The following MYO5B variants were observed in gnomAD, a reference collection of about 807,000 sequenced individuals.
The protein encoded by MYO5B is myosin VB.
A neutral mutation model predicts 229.3 loss-of-function variants in MYO5B; 143 were observed. That is an observed-to-expected ratio of 0.62 (90% CI 0.54 to 0.72). The LOEUF is 0.72. Among genes scored for constraint, MYO5B ranks in the 30% least tolerant of loss-of-function variants. MYO5B has a pLI of 0.00. For missense variants in MYO5B, 2,321 were observed against 2,331.0 expected (o/e 1.00, Z 0.09); for synonymous variants, 918 against 885.2 (o/e 1.04, Z -0.66).
intron 17 of MYO5B, among the ~76,000 whole-genome samples, chr18:49,924,596 C>T (rs1041707784): frequency 6.6e-6 from 1 of 152,198 alleles, no homozygotes; most frequent in Non-Finnish European, 1.5e-5. Context: ...TGGAGCTGGC[C>T]CCAGAGGGCA....
chr18:50,076,613 C>T (rs568576732), intron 1 of MYO5B, among the ~76,000 whole-genome samples: 11 of 152,264 alleles, frequency 7.2e-5, no homozygotes, highest in Admixed American at 2.0e-4. Context: ...AAAGGGGATC[C>T]GGCAGTTGGT....
chr18:49,923,205 C>T (rs1349413048), intron 17 of MYO5B, among the ~76,000 whole-genome samples: 1 of 152,210 alleles, frequency 6.6e-6, no homozygotes, highest in Non-Finnish European at 1.5e-5. Context: ...AGTCTCAACT[C>T]CTCAGTGAAG....
At position 49,847,292 on chromosome 18, in the gene MYO5B, G is replaced by C. The variant is rs1395634279; in HGVS notation, c.4316-3C>G. The C allele has an allele frequency of 1.2e-6, 2 of 1,612,968 alleles. No individual in the cohort carries two copies. Among genetic ancestry groups the C allele is most frequent in the Non-Finnish European group, 1.7e-6 (2 of 1,179,892 alleles). ...ACTCTGGGCCAATGCCTGGGCAGCT[G>C]AGCAGGAAAGAAAACAGGAAGCATG... On this transcript the variant is annotated splice_region_variant and splice_polypyrimidine_tract_variant and intron_variant, in intron 32 of 39. Coordinates refer to ENST00000285039, the MANE Select transcript of MYO5B (RefSeq NM_001080467.3).
intron 1 of MYO5B, among the ~76,000 whole-genome samples, chr18:50,181,056 T>A (rs2033066882): frequency 6.6e-6 from 1 of 152,216 alleles, no homozygotes; most frequent in Admixed American, 6.5e-5. Context: ...AAAAAGAGTA[T>A]TCACCATCCA....
chr18:49,910,075 A>G (rs1343862746), intron 18 of MYO5B, among the ~76,000 whole-genome samples: 1 of 152,216 alleles, frequency 6.6e-6, no homozygotes, highest in East Asian at 1.9e-4. Flanking sequence ...GGGAAGCAGG[A>G]GGGAGAAGCT....
At chr18:50,042,656 C>A (rs2721080) in intron 2 of MYO5B, among the ~76,000 whole-genome samples, 148,894 of 152,266 alleles carry the variant, frequency 0.98, 72,896 homozygotes, top group East Asian at 1. Flanking sequence ...ATCCACTGTT[C>A]CTGGTATTAG....
chr18:50,149,240 G>A (rs990870478), intron 1 of MYO5B, among the ~76,000 whole-genome samples: 11 of 151,876 alleles, frequency 7.2e-5, no homozygotes, highest in Admixed American at 3.3e-4. Context: ...AATCAATATC[G>A]TGAAAATGGC....
At chr18:49,887,919 C>T (rs1406692564) in intron 22 of MYO5B, among the ~76,000 whole-genome samples, 2 of 152,034 alleles carry the variant, frequency 1.3e-5, no homozygotes, top group Non-Finnish European at 2.9e-5. Context: ...AACTCCTGAC[C>T]TTGTGATCCA....
chr18:50,023,112 T>G (rs1024771102), intron 4 of MYO5B, among the ~76,000 whole-genome samples: 2 of 141,966 alleles, frequency 1.4e-5, no homozygotes, highest in Non-Finnish European at 3.0e-5. Context: ...AGATTTCCTA[T>G]GTGAGAAATC....
chr18:50,080,263 G>A (rs72917838), intron 1 of MYO5B, among the ~76,000 whole-genome samples: 19,308 of 152,050 alleles, frequency 0.13, 1,362 homozygotes, highest in East Asian at 0.23. Context: ...TGACAAGGTC[G>A]AGTTAACGAC....
At chr18:50,048,675 C>A (rs543138943) in intron 2 of MYO5B, among the ~76,000 whole-genome samples, 2 of 152,132 alleles carry the variant, frequency 1.3e-5, no homozygotes, top group East Asian at 1.9e-4. Context: ...CCACCCTAAG[C>A]GTTCCTGCTC....
intron 4 of MYO5B, among the ~76,000 whole-genome samples, chr18:50,019,290 C>T (rs144845779): frequency 2.4e-3 from 371 of 152,260 alleles, no homozygotes; most frequent in African/African-American, 6.9e-3. Flanking sequence ...AGATGGGTAA[C>T]GACTAAGCCA....
At chr18:50,144,221 T>C (rs2032464280) in intron 1 of MYO5B, among the ~76,000 whole-genome samples, 1 of 152,192 alleles carries the variant, frequency 6.6e-6, no homozygotes, top group South Asian at 2.1e-4. Context: ...CCAGATGGCT[T>C]GACACAGCAT....
Position 50,160,002 on chromosome 18 carries a change from T to G in MYO5B, c.27+34765A>C, listed in dbSNP as rs141663008. The stretch of plus-strand genomic sequence containing the variant: ...ACACTGGATCCTGGAGAGTCACAAG[T>G]TGGACAGTACTCACGCAGACGTGAT... On this transcript the variant is annotated intron_variant, in intron 1 of 39. Transcript: ENST00000285039. Among the ~76,000 whole-genome samples the G allele has an allele frequency of 4.2e-3, 639 of 152,298 alleles. 4 individuals carry two copies. The highest frequency in any genetic ancestry group is 0.014 in the African/African-American group (568 of 41,566).
At chr18:49,863,369 T>A in intron 28 of MYO5B, 42 bp from the exon 29 acceptor site, 1 of 1,543,762 alleles carries the variant, frequency 6.5e-7, no homozygotes, top group African/African-American at 1.4e-5. Context: ...GTTAAACAAT[T>A]GCCACAAAAT....
chr18:49,890,288 A>T (rs2024695056), intron 22 of MYO5B, among the ~76,000 whole-genome samples: 1 of 152,180 alleles, frequency 6.6e-6, no homozygotes, highest in Non-Finnish European at 1.5e-5. Context: ...TAACAACATA[A>T]AACAGGTGGC....
intron 7 of MYO5B, among the ~76,000 whole-genome samples, chr18:49,986,382 C>T (rs1474775648): frequency 6.6e-6 from 1 of 152,200 alleles, no homozygotes; most frequent in South Asian, 2.1e-4. Flanking sequence ...AGAACTCAGC[C>T]CTAGACCCCA....
chr18:50,055,235 A>ACCCC, intron 2 of MYO5B, 33 bp downstream of exon 2: 1 of 353,290 alleles, frequency 2.8e-6, no homozygotes, highest in East Asian at 6.8e-5. Context: ...GCCCCACCTC[A>ACCCC]CCCCCGCCCC....
intron 1 of MYO5B, among the ~76,000 whole-genome samples, chr18:50,123,120 T>C (rs1425933287): frequency 6.6e-6 from 1 of 152,252 alleles, no homozygotes; most frequent in Non-Finnish European, 1.5e-5. Context: ...CAACGGACTA[T>C]GTTCTCATAC....
Sources: allele counts gnomAD v4.1 joint callset (sites outside exome capture counted in the v4.1 genomes callset), GRCh38; gene constraint gnomAD v4.1.1; transcripts MANE v1.5; gene names NCBI Gene and HGNC (gene_info 2026-07-23, HGNC 2026-07-21).